The following MAST4 variants were observed in gnomAD, a reference collection of about 807,000 sequenced individuals.
The protein encoded by MAST4 is microtubule-associated serine/threonine-protein kinase 4.
A neutral mutation model predicts 162.7 loss-of-function variants in MAST4; 89 were observed. That is an observed-to-expected ratio of 0.55 (90% confidence interval 0.46 to 0.65). MAST4 has a LOEUF of 0.65. Ranked by LOEUF, MAST4 falls within the 30% of genes least tolerant of loss-of-function variation. The probability of loss-of-function intolerance (pLI) is 0.00; values close to 1 mark genes in which losing one functional copy is unlikely to be tolerated. For missense variants in MAST4, 3,153 were observed against 3,374.0 expected, an observed-to-expected ratio of 0.93 and a Z score of 1.62; for synonymous variants, 1,479 against 1,361.1, an observed-to-expected ratio of 1.09 and a Z score of -1.91.
At chr5:66,980,752 T>C (rs1466012588) in intron 4 of MAST4, among the ~76,000 whole-genome samples, 4 of 152,236 alleles carry the variant, frequency 2.6e-5, no homozygotes, top group African/African-American at 9.6e-5. Flanking sequence ...CGTGTCTCTC[T>C]TTGCCTTTCA....
At chr5:66,635,848 A>G (rs1745074107) in intron 1 of MAST4, among the ~76,000 whole-genome samples, 1 of 150,346 alleles carries the variant, frequency 6.7e-6, no homozygotes, top group African/African-American at 2.4e-5. Context: ...GCATGTGTAC[A>G]TGGAGAGAGA....
At chr5:67,075,851 A>G (rs1441983272) in intron 5 of MAST4, among the ~76,000 whole-genome samples, 1 of 152,154 alleles carries the variant, frequency 6.6e-6, no homozygotes, top group East Asian at 1.9e-4. Flanking sequence ...TTTATTTTTG[A>G]AATTATAATT....
At chr5:67,033,130 C>A (rs1336879429) in intron 4 of MAST4, among the ~76,000 whole-genome samples, 1 of 151,316 alleles carries the variant, frequency 6.6e-6, no homozygotes, top group African/African-American at 2.4e-5. Context: ...AAACCCATCT[C>A]ATTCTTGGCA....
chr5:67,113,941 A>C (rs989569211), intron 11 of MAST4, 146 bp from the exon 12 acceptor site: 1 of 770,616 alleles, frequency 1.3e-6, no homozygotes, highest in Non-Finnish European at 2.1e-6. Flanking sequence ...AGAATTACAT[A>C]CTTTTTAAAG....
intron 3 of MAST4, among the ~76,000 whole-genome samples, chr5:66,805,437 C>G (rs1215408913): frequency 6.6e-6 from 1 of 152,162 alleles, no homozygotes; most frequent in East Asian, 1.9e-4. Context: ...AATTTATTTT[C>G]ACTTACATTT....
At chr5:67,145,068 C>T in intron 22 of MAST4, 76 bp from the exon 23 acceptor site, 4 of 1,298,758 alleles carry the variant, frequency 3.1e-6, no homozygotes, top group Non-Finnish European at 4.3e-6. Flanking sequence ...CGATTTTCAC[C>T]TGGTTTCTTC....
At chr5:66,998,213 A>G (rs1044961436) in intron 4 of MAST4, among the ~76,000 whole-genome samples, 2 of 152,214 alleles carry the variant, frequency 1.3e-5, no homozygotes, top group East Asian at 3.9e-4. Context: ...TTATAATTGC[A>G]CTATAATTCA....
intron 1 of MAST4, among the ~76,000 whole-genome samples, chr5:66,659,873 G>A (rs1181680366): frequency 3.9e-5 from 6 of 152,244 alleles, no homozygotes; most frequent in African/African-American, 1.2e-4. Flanking sequence ...GGTATCTTAG[G>A]ATGAGTAGGA....
At chr5:66,730,130 T>A (rs1046861116) in intron 1 of MAST4, among the ~76,000 whole-genome samples, 4 of 152,154 alleles carry the variant, frequency 2.6e-5, no homozygotes, top group Non-Finnish European at 5.9e-5. Flanking sequence ...AATAAATAAA[T>A]CAAATCCCCT....
At chr5:67,094,437 T>C (rs1267802131) in intron 6 of MAST4, among the ~76,000 whole-genome samples, 1 of 152,238 alleles carries the variant, frequency 6.6e-6, no homozygotes. Context: ...TTGTCCACTC[T>C]TGTCACTTGG....
intron 1 of MAST4, among the ~76,000 whole-genome samples, chr5:66,747,438 AC>A (rs1160042380): frequency 6.6e-5 from 10 of 152,216 alleles, no homozygotes; most frequent in African/African-American, 2.4e-4. Context: ...TAGTTTAAAC[AC>A]ATTCTATTGA....
intron 4 of MAST4, among the ~76,000 whole-genome samples, chr5:66,950,343 T>G (rs1309244749): frequency 6.6e-6 from 1 of 152,068 alleles, no homozygotes; most frequent in Non-Finnish European, 1.5e-5. Context: ...CACAGAGTTG[T>G]GTAAGTATCA....
chr5:67,139,324 G>A (rs1770083711), intron 19 of MAST4, among the ~76,000 whole-genome samples: 1 of 152,264 alleles, frequency 6.6e-6, no homozygotes, highest in Admixed American at 6.5e-5. Flanking sequence ...GAGAAAAAGG[G>A]TGTGAAGAAC....
chr5:67,103,018 CTGT>C (rs964729541), intron 9 of MAST4, among the ~76,000 whole-genome samples: 19 of 152,324 alleles, frequency 1.2e-4, no homozygotes, highest in East Asian at 7.7e-4. Flanking sequence ...ATGAGAGTTG[CTGT>C]TGTTGTTGTT....
intron 1 of MAST4, among the ~76,000 whole-genome samples, chr5:66,691,017 C>CT (rs1749005549): frequency 6.6e-6 from 1 of 152,062 alleles, no homozygotes; most frequent in Admixed American, 6.6e-5. Context: ...TTTAAGTGAC[C>CT]TATAATACTG....
intron 1 of MAST4, among the ~76,000 whole-genome samples, chr5:66,715,006 C>T (rs1379764382): frequency 6.6e-6 from 1 of 152,228 alleles, no homozygotes; most frequent in Non-Finnish European, 1.5e-5. Context: ...GTTTATGCTA[C>T]CCCTGGGGTC....
intron 4 of MAST4, chr5:66,963,846 A>G (rs2150169285): frequency 1.3e-6 from 1 of 776,140 alleles, no homozygotes. Flanking sequence ...CCCATTTCCC[A>G]CCACCAGCAT....
chr5:67,069,500 A>G (rs1340977178), intron 5 of MAST4, among the ~76,000 whole-genome samples: 1 of 151,944 alleles, frequency 6.6e-6, no homozygotes, highest in Admixed American at 6.6e-5. Flanking sequence ...AATATTAAAG[A>G]TAAAAGAATG....
At chr5:66,840,418 A>G (rs1445508748) in intron 3 of MAST4, among the ~76,000 whole-genome samples, 3 of 152,190 alleles carry the variant, frequency 2.0e-5, no homozygotes, top group African/African-American at 7.2e-5. Context: ...TAGATTGTTA[A>G]GCTCACAGAT....
Sources: gnomAD v4.1 joint callset for allele counts (sites outside exome capture counted in the v4.1 genomes callset) on GRCh38, gnomAD v4.1.1 for gene constraint, MANE v1.5 for transcripts, NCBI Gene and HGNC (gene_info 2026-07-23, HGNC 2026-07-21) for gene names.